The following ZNF41 variants were observed in gnomAD, a reference collection of about 807,000 sequenced individuals.
ZNF41 encodes zinc finger protein 41.
In ZNF41, 6 loss-of-function variants were observed where a neutral mutation model predicts 9.3. That is an observed-to-expected ratio of 0.65 (90% CI 0.35 to 1.28). The LOEUF (loss-of-function observed/expected upper bound fraction) is 1.28. Ranked by LOEUF, ZNF41 falls within the 50% of genes most tolerant of loss-of-function variation. ZNF41 has a pLI of 0.03. For synonymous variants in ZNF41, 192 were observed against 207.1 expected, an observed-to-expected ratio of 0.93 and a Z score of 0.63; for missense variants, 523 against 585.8, an observed-to-expected ratio of 0.89 and a Z score of 1.11.
In ZNF41 at chrX:47,447,527, G is replaced by A; in HGVS notation, c.2243C>T (p.Ala748Val). ...AAAGGCCTTCTGACATTCTGTACAAGCATAAGGTTTCTTTCCTGTATGAAT... is the reference window on the plus strand; with the variant it reads ...AAAGGCCTTCTGACATTCTGTACAAACATAAGGTTTCTTTCCTGTATGAAT... ...QIIHTGKKPY[A>V]CTECQKAFTD... is the part of the protein sequence containing the mutation. Residue 748 changes from alanine (A) to valine (V), a missense_variant, in exon 5 of 5, where the codon GCT (alanine) becomes GTT (valine). Transcript: ENST00000684689. The A allele has an allele frequency of 8.3e-7, 1 of 1,211,669 alleles. No individual in the cohort carries two copies. Among genetic ancestry groups the A allele is most frequent in the Middle Eastern group, 2.3e-4 (1 of 4,355 alleles).
intron 2 of ZNF41, among the ~76,000 whole-genome samples, chrX:47,462,895 ATT>A (rs1204365532): frequency 1.1e-5 from 1 of 91,809 alleles, no homozygotes; most frequent in African/African-American, 4.2e-5. Context: ...TACCCGGCTG[ATT>A]TTTTTTTTGT....
At chrX:47,469,171 C>T (rs1320208255) in intron 1 of ZNF41, among the ~76,000 whole-genome samples, 4 of 103,253 alleles carry the variant, frequency 3.9e-5, no homozygotes, top group East Asian at 3.0e-4. Context: ...ATTAGCCGGG[C>T]GTAGTGGCGG....
intron 1 of ZNF41, among the ~76,000 whole-genome samples, chrX:47,471,163 G>A (rs944185745): frequency 9.0e-6 from 1 of 110,917 alleles, no homozygotes; most frequent in Non-Finnish European, 1.9e-5. Flanking sequence ...AAAAGCCTAC[G>A]CATGGCCGGG....
intron 1 of ZNF41, chrX:47,482,743 A>G (rs1159758224): frequency 8.9e-6 from 1 of 112,905 alleles, no homozygotes; most frequent in Non-Finnish European, 1.9e-5. Context: ...TCTGCCGCGG[A>G]GCCCGCGGTC....
At chrX:47,478,340 T>C (rs1391283140) in intron 1 of ZNF41, among the ~76,000 whole-genome samples, 1 of 111,248 alleles carries the variant, frequency 9.0e-6, no homozygotes. Context: ...ATCCTGTCTC[T>C]ACTAAAAATA....
At chrX:47,482,867 G>A (rs1336427907) in intron 1 of ZNF41, 2 of 113,012 alleles carry the variant, frequency 1.8e-5, no homozygotes, top group African/African-American at 6.4e-5. Flanking sequence ...CACCTCCGAG[G>A]CCCCGGCGGG....
In ZNF41 at chrX:47,445,291, G is replaced by A. The variant is rs980125585; in HGVS notation, c.*2139C>T. On this transcript the variant is annotated 3_prime_UTR_variant, in exon 5 of 5. Transcript: ENST00000684689. Reference sequence around the variant, plus strand: ...TAATAAAAAAGACTAATAATAATAAGAGTTGGTAAGGATGTGGAGAAACCG... The same window carrying A: ...TAATAAAAAAGACTAATAATAATAAAAGTTGGTAAGGATGTGGAGAAACCG... 9.0e-6 allele frequency among the ~76,000 whole-genome samples: 1 copy of A among 111,512 alleles called. No homozygotes were observed. Among genetic ancestry groups the A allele is most frequent in the Non-Finnish European group, 1.9e-5 (1 of 53,135 alleles).
At chrX:47,469,010 A>G (rs2057080340) in intron 1 of ZNF41, among the ~76,000 whole-genome samples, 1 of 111,774 alleles carries the variant, frequency 8.9e-6, no homozygotes, top group Non-Finnish European at 1.9e-5. Flanking sequence ...CTTTTGTCAG[A>G]GCAAAAGAAA....
At chrX:47,480,225 T>G (rs916276442) in intron 1 of ZNF41, among the ~76,000 whole-genome samples, 1 of 110,770 alleles carries the variant, frequency 9.0e-6, no homozygotes, top group African/African-American at 3.3e-5. Flanking sequence ...TAAAAAGGAG[T>G]AGATACATAT....
chrX:47,471,286 T>C (rs1422812348), intron 1 of ZNF41, among the ~76,000 whole-genome samples: 1 of 109,765 alleles, frequency 9.1e-6, no homozygotes, highest in East Asian at 2.8e-4. Context: ...CTATCTCTAC[T>C]GAAAATACAA....
Position 47,447,861 on chromosome X carries a change from A to G in ZNF41, c.1909T>C (p.Cys637Arg). 3 of 1,211,756 alleles carry G rather than the reference A, an allele frequency of 2.5e-6. No homozygotes were observed. Among genetic ancestry groups the G allele is most frequent in the Non-Finnish European group, 3.4e-6 (3 of 895,523 alleles). ...GTGAAGCATTTCCCACAGTCGCTGC[A>G]TTCATAAGGCTTCTCTCCAGTATGG... is the stretch of plus-strand genomic sequence containing the variant. ...RIHTGEKPYE[C>R]SDCGKCFTKK... The change falls in exon 5 of 5, where the codon TGC becomes CGC. Residue 637 changes from cysteine to arginine, a missense_variant. Cys to Arg is a radical substitution (Grantham distance 180). Transcript: ENST00000684689.
At chrX:47,467,240 C>A in intron 2 of ZNF41, 170 bp downstream of exon 2, 1 of 1,082,703 alleles carries the variant, frequency 9.2e-7, no homozygotes, top group Non-Finnish European at 1.2e-6. Context: ...GCCTCATCAG[C>A]CAAGTGGTGC....
At chrX:47,469,310 C>CAA (rs749426044) in intron 1 of ZNF41, among the ~76,000 whole-genome samples, 1,096 of 35,886 alleles carry the variant, frequency 0.031, 166 homozygotes, top group East Asian at 0.083. Flanking sequence ...GACTCCGTCT[C>CAA]AAAAAAAAAA....
chrX:47,477,392 C>A (rs769957283), intron 1 of ZNF41, among the ~76,000 whole-genome samples: 1 of 112,490 alleles, frequency 8.9e-6, no homozygotes, highest in South Asian at 3.7e-4. Flanking sequence ...GATCCACCCA[C>A]CTCGGCCTCC....
chrX:47,447,261 C>T lies in ZNF41; in HGVS notation c.*169G>A, dbSNP rs2056145941. Reference sequence around the variant, plus strand: ...ACACTGTGGTGATGCAGGAACTTGTCTTTCCAGTGGACTGAAGGATACTTG... The same window carrying T: ...ACACTGTGGTGATGCAGGAACTTGTTTTTCCAGTGGACTGAAGGATACTTG... On this transcript the variant is annotated 3_prime_UTR_variant, in exon 5 of 5. Transcript: ENST00000684689. 1 of 593,953 alleles carries T rather than the reference C, an allele frequency of 1.7e-6. No individual in the cohort carries two copies. The highest frequency in any genetic ancestry group is 3.4e-5 in the East Asian group (1 of 29,723). 48.9% of individuals were successfully genotyped at this position (593,953 alleles called of 1,213,427 possible).
At chrX:47,462,842 C>T (rs1165527473) in intron 2 of ZNF41, among the ~76,000 whole-genome samples, 1 of 108,462 alleles carries the variant, frequency 9.2e-6, no homozygotes, top group Non-Finnish European at 1.9e-5. Context: ...ACTGCAGCCT[C>T]CACCTCCCAG....
intron 2 of ZNF41, among the ~76,000 whole-genome samples, chrX:47,462,541 TG>T (rs2056836139): frequency 9.0e-6 from 1 of 111,018 alleles, no homozygotes; most frequent in South Asian, 3.8e-4. Context: ...TCCCTCCAGC[TG>T]ATCCTTGTTC....
At chrX:47,478,801 C>A (rs2057402312) in intron 1 of ZNF41, among the ~76,000 whole-genome samples, 2 of 109,732 alleles carry the variant, frequency 1.8e-5, no homozygotes, top group Non-Finnish European at 3.8e-5. Flanking sequence ...GGCGTGGTGG[C>A]AGGCGCCTGT....
In ZNF41 at chrX:47,448,203, A is replaced by G. The variant is rs777217099; in HGVS notation, c.1567T>C (p.Tyr523His). The change falls in exon 5 of 5, where the codon TAT (tyrosine) becomes CAT (histidine). Residue 523 changes from tyrosine (Y) to histidine (H), a missense_variant. By Grantham distance (83) the Tyr-to-His change is moderately conservative (BLOSUM62 2). Transcript: ENST00000684689. Reference protein sequence around the residue: ...HQKTHTGEKPYMCAECGKAFT... With the variant: ...HQKTHTGEKPHMCAECGKAFT... ...GCCTTTCCACATTCAGCACACATAT[A>G]GGGTTTTTCCCCAGTATGAGTTTTC... is the stretch of plus-strand genomic sequence containing the variant. 7 of 1,209,869 alleles carry G rather than the reference A, an allele frequency of 5.8e-6. No individual in the cohort carries two copies. The highest frequency in any genetic ancestry group is 7.8e-6 in the Non-Finnish European group (7 of 895,261).
Sources: allele counts gnomAD v4.1 joint callset (sites outside exome capture counted in the v4.1 genomes callset), GRCh38; gene constraint gnomAD v4.1.1; transcripts MANE v1.5; gene names NCBI Gene and HGNC (gene_info 2026-07-23, HGNC 2026-07-21).